The following ZFHX3 variants were observed in gnomAD, a reference collection of about 807,000 sequenced individuals.
The protein encoded by ZFHX3 is zinc finger homeobox protein 3.
A neutral mutation model predicts 279.1 loss-of-function variants in ZFHX3; 42 were observed. The observed-to-expected ratio is 0.15, with a 90% CI of 0.12 to 0.19. The LOEUF (loss-of-function observed/expected upper bound fraction) is 0.19, where lower values mean the gene tolerates loss of function less well. Ranked by LOEUF, ZFHX3 falls within the 10% of genes least tolerant of loss-of-function variation. The pLI is 1.00. For synonymous variants in ZFHX3, 2,293 were observed against 1,957.8 expected, an observed-to-expected ratio of 1.17 and a Z score of -4.52; for missense variants, 4,981 against 4,754.0, an observed-to-expected ratio of 1.05 and a Z score of -1.40.
At chr16:73,343,123 G>GT (rs924828057) in intron 3 of ZFHX3, among the ~76,000 whole-genome samples, 2 of 152,044 alleles carry the variant, frequency 1.3e-5, no homozygotes. Flanking sequence ...GTGAAGACAT[G>GT]TTTTTTTCTT....
intron 3 of ZFHX3, among the ~76,000 whole-genome samples, chr16:73,453,536 C>A (rs1336659371): frequency 1.3e-5 from 2 of 152,200 alleles, no homozygotes; most frequent in Non-Finnish European, 2.9e-5. Context: ...TAACACTAGC[C>A]ACCTTCAGCT....
intron 2 of ZFHX3, among the ~76,000 whole-genome samples, chr16:73,473,524 G>C (rs971443390): frequency 6.6e-6 from 1 of 151,978 alleles, no homozygotes; most frequent in African/African-American, 2.4e-5. Flanking sequence ...ATGTTTGATC[G>C]ACTCATTCGA....
intron 3 of ZFHX3, among the ~76,000 whole-genome samples, chr16:72,940,482 C>T (rs1960360543): frequency 6.6e-6 from 1 of 152,136 alleles, no homozygotes; most frequent in South Asian, 2.1e-4. Flanking sequence ...AGACTTCTGT[C>T]TCATTCTGAG....
chr16:73,816,384 T>G (rs528521419), intron 1 of ZFHX3, among the ~76,000 whole-genome samples: 3 of 152,272 alleles, frequency 2.0e-5, no homozygotes, highest in African/African-American at 7.2e-5. Context: ...AAGTTATGGA[T>G]CAGCAAACTA....
At chr16:72,916,070 G>A (rs2039434688) in intron 3 of ZFHX3, among the ~76,000 whole-genome samples, 1 of 152,162 alleles carries the variant, frequency 6.6e-6, no homozygotes, top group Non-Finnish European at 1.5e-5. Flanking sequence ...AGTATACGTG[G>A]CAAAAATCTA....
chr16:72,810,409 C>T (rs1342124866), intron 7 of ZFHX3, among the ~76,000 whole-genome samples: 3 of 152,130 alleles, frequency 2.0e-5, no homozygotes, highest in Non-Finnish European at 4.4e-5. Flanking sequence ...TGGTCTTGAA[C>T]TCCTGACCTC....
chr16:73,001,288 G>A (rs952857425), intron 1 of ZFHX3, among the ~76,000 whole-genome samples: 6 of 152,154 alleles, frequency 3.9e-5, no homozygotes, highest in African/African-American at 9.7e-5. Flanking sequence ...ATCAACAACC[G>A]TGTGTGTGAG....
intron 2 of ZFHX3, among the ~76,000 whole-genome samples, chr16:73,571,341 T>C (rs2051732490): frequency 6.6e-6 from 1 of 152,164 alleles, no homozygotes; most frequent in Non-Finnish European, 1.5e-5. Context: ...GCTTAGTTCT[T>C]TTGTGCTAAA....
At chr16:73,157,390 C>A (rs1185707454) in intron 5 of ZFHX3, among the ~76,000 whole-genome samples, 1 of 138,094 alleles carries the variant, frequency 7.2e-6, no homozygotes, top group Non-Finnish European at 1.5e-5. Context: ...AGACATCGGG[C>A]TTGCCACAGG....
rs552682697 is a variant in ZFHX3, at chr16:73,574,717, G to A, written c.-1547+105463C>T. Among the ~76,000 whole-genome samples, 31 of 152,198 alleles carry A rather than the reference G, an allele frequency of 2.0e-4. 1 individual carries two copies. The highest frequency in any genetic ancestry group is 7.5e-4 in the African/African-American group (31 of 41,528). ...ACCTCTGTTTTCTGCATCTTAGTCT[G>A]AGAGTCAAGGTCCTCGGTCAAGAGC... On this transcript the variant is annotated intron_variant, in intron 2 of 17. Transcript: ENST00000641206.
chr16:73,648,745 G>C (rs995027316), intron 2 of ZFHX3, among the ~76,000 whole-genome samples: 2 of 152,062 alleles, frequency 1.3e-5, no homozygotes, highest in Non-Finnish European at 2.9e-5. Flanking sequence ...ATTATAATTT[G>C]CTTTGCCCCA....
intron 3 of ZFHX3, among the ~76,000 whole-genome samples, chr16:72,940,725 C>G (rs1960372041): frequency 6.6e-6 from 1 of 152,238 alleles, no homozygotes; most frequent in Admixed American, 6.5e-5. Flanking sequence ...CACTGTTGAC[C>G]TAAGAGACTG....
chr16:73,481,638 G>T (rs1044591275), intron 2 of ZFHX3, among the ~76,000 whole-genome samples: 1 of 141,894 alleles, frequency 7.0e-6, no homozygotes, highest in African/African-American at 2.9e-5. Context: ...TTGTTTGTTT[G>T]TTTGTTTGTT....
At chr16:73,412,433 A>G (rs1484399591) in intron 3 of ZFHX3, among the ~76,000 whole-genome samples, 6 of 151,978 alleles carry the variant, frequency 3.9e-5, no homozygotes, top group Non-Finnish European at 8.8e-5. Context: ...GCCATGGCAG[A>G]CCAGACCCTT....
chr16:73,603,856 G>A (rs1315929155), intron 2 of ZFHX3, among the ~76,000 whole-genome samples: 2 of 141,528 alleles, frequency 1.4e-5, no homozygotes, highest in Admixed American at 7.5e-5. Context: ...TCGGCTCACT[G>A]CAACCTCTGC....
chr16:73,391,158 G>A (rs2017005394), intron 3 of ZFHX3, among the ~76,000 whole-genome samples: 1 of 152,204 alleles, frequency 6.6e-6, no homozygotes, highest in African/African-American at 2.4e-5. Context: ...AGCTTGTGCA[G>A]TGACTGTCCA....
rs1176593492 is a variant in ZFHX3 at position 73,593,907 on chromosome 16, A to G, written c.-1547+86273T>C. Among the ~76,000 whole-genome samples, 3 of 152,240 alleles carry G rather than the reference A, an allele frequency of 2.0e-5. No individual in the cohort carries two copies. In the East Asian group the frequency reaches 5.8e-4, roughly 29 times the overall value. ...AATAGTGTTAAATATCCTTTGTCTG[A>G]CACAACGTATTTGCCCATGTCAAAC... On this transcript the variant is annotated intron_variant, in intron 2 of 17. Coordinates refer to the ZFHX3 transcript ENST00000641206.
intron 2 of ZFHX3, among the ~76,000 whole-genome samples, chr16:73,603,014 G>T (rs1408572728): frequency 1.3e-5 from 2 of 151,268 alleles, no homozygotes; most frequent in African/African-American, 4.9e-5. Context: ...GGCCGGGCGC[G>T]GTGACTCACG....
chr16:73,057,258 A>G (rs1567653590), intron 1 of ZFHX3, among the ~76,000 whole-genome samples: 1 of 152,234 alleles, frequency 6.6e-6, no homozygotes, highest in Non-Finnish European at 1.5e-5. Context: ...AACATTGAAC[A>G]AAAGTCAGAT....
Sources: allele counts gnomAD v4.1 joint callset (sites outside exome capture counted in the v4.1 genomes callset), GRCh38; gene constraint gnomAD v4.1.1; transcripts MANE v1.5; gene names NCBI Gene and HGNC (gene_info 2026-07-23, HGNC 2026-07-21).